The following PRKCG variants were observed in gnomAD, a reference collection of about 807,000 sequenced individuals.
PRKCG encodes protein kinase C gamma.
A neutral mutation model predicts 82.0 loss-of-function variants in PRKCG; 28 were observed. The ratio of observed to expected loss-of-function variants is 0.34; its 90% CI spans 0.25 to 0.47. PRKCG has a LOEUF of 0.47. Among genes scored for constraint, PRKCG ranks in the 20% least tolerant of loss-of-function variants. The pLI is 1.00. For synonymous variants in PRKCG, 383 were observed against 376.6 expected (o/e 1.02, Z -0.20); for missense variants, 640 against 952.7 (o/e 0.67, Z 4.32).
intron 9 of PRKCG, among the ~76,000 whole-genome samples, chr19:53,894,618 C>G (rs1354431328): frequency 6.6e-6 from 1 of 151,992 alleles, no homozygotes; most frequent in African/African-American, 2.4e-5. Context: ...CACCACCACA[C>G]CTGGCTAATT....
chr19:53,898,506 A>G lies in PRKCG; in HGVS notation c.1159A>G (p.Ile387Val). ...YAIKILKKDV[I>V]VQDDDVDCTL... ...CATCAAGATCTTGAAAAAGGACGTG[A>G]TCGTCCAGGACGACGATGTGGACTG... Residue 387 changes from isoleucine (I) to valine (V), a missense_variant, in exon 11 of 18, where the codon ATC becomes GTC. Ile to Val is a conservative substitution (Grantham distance 29, BLOSUM62 3). Transcript: ENST00000263431. 6.2e-7 allele frequency: 1 copy of G among 1,613,754 alleles called. No individual in the cohort carries two copies.
chr19:53,904,539 G>T, intron 15 of PRKCG, 96 bp from the exon 16 acceptor site: 2 of 1,043,646 alleles, frequency 1.9e-6, no homozygotes, highest in Non-Finnish European at 2.9e-6. Context: ...CGTGTGATGG[G>T]TCAGGCATGT....
rs1278538438 is a variant in PRKCG, at chr19:53,900,979, G to T, written c.1575+230G>T. On this transcript the variant is annotated intron_variant, in intron 14 of 17. Transcript: ENST00000263431. This position sits in a 1 kb window ranked among gnomAD's most constrained non-coding sequence, Gnocchi z 4.2. Reference sequence around the variant, plus strand: ...TAGGTAAGGTGGGCAGCACCTGTGGGTGAATGTTCCAGGAGAGTGGGACCA... The same window carrying T: ...TAGGTAAGGTGGGCAGCACCTGTGGTTGAATGTTCCAGGAGAGTGGGACCA... 6.6e-6 allele frequency among the ~76,000 whole-genome samples: 1 copy of T among 152,214 alleles called. No individual in the cohort carries two copies. Among genetic ancestry groups the T allele is most frequent in the Non-Finnish European group, 1.5e-5 (1 of 68,034 alleles).
chr19:53,895,585 C>T (rs904476905), intron 9 of PRKCG, among the ~76,000 whole-genome samples: 3 of 151,958 alleles, frequency 2.0e-5, no homozygotes, highest in African/African-American at 7.3e-5. Context: ...GAAACTTTCA[C>T]CAGAGTTTTT....
At chr19:53,897,423 C>T (rs1274249949) in intron 9 of PRKCG, among the ~76,000 whole-genome samples, 1 of 152,114 alleles carries the variant, frequency 6.6e-6, no homozygotes, top group Non-Finnish European at 1.5e-5. Flanking sequence ...ACTGGCAGCA[C>T]CCATGTCACC....
intron 15 of PRKCG, among the ~76,000 whole-genome samples, chr19:53,903,892 TATTA>T (rs1251422237): frequency 9.8e-5 from 15 of 152,328 alleles, no homozygotes; most frequent in African/African-American, 2.9e-4. Flanking sequence ...TGCAATTTCT[TATTA>T]ATTCATTAAG....
rs1016314702 is a variant in PRKCG at position 53,883,253 on chromosome 19, C to T, written c.202+59C>T. On this transcript the variant is annotated intron_variant, in intron 2 of 17. Coordinates refer to ENST00000263431, the MANE Select transcript of PRKCG (RefSeq NM_002739.5). The surrounding 1 kb of genome is among the most constrained non-coding windows in gnomAD (Gnocchi z 5.4). ...CAGGAGGGTGGAGGCTGGGGCCCCA[C>T]AGCTGAGGCTGCTTGACACACGTGT... 7 of 1,594,788 alleles carry T rather than the reference C, an allele frequency of 4.4e-6. No individual in the cohort carries two copies. Among genetic ancestry groups the T allele is most frequent in the Non-Finnish European group, 6.0e-6 (7 of 1,163,430 alleles).
intron 3 of PRKCG, among the ~76,000 whole-genome samples, chr19:53,885,184 T>C (rs920150254): frequency 3.9e-5 from 6 of 152,224 alleles, no homozygotes; most frequent in African/African-American, 1.2e-4. Context: ...TGGCTGAGGA[T>C]TAGAAATTCC....
At chr19:53,881,569 G>C (rs1039515561), upstream of PRKCG, among the ~76,000 whole-genome samples, 3 of 151,912 alleles carry the variant, frequency 2.0e-5, no homozygotes, top group Non-Finnish European at 4.4e-5. Context: ...GAAGAACCAC[G>C]ACACCAAGAC....
Position 53,900,325 on chromosome 19 carries a change from G to A in PRKCG, c.1373+1G>A. 1 of 1,614,080 alleles carries A rather than the reference G, an allele frequency of 6.2e-7. No homozygotes were observed. Among genetic ancestry groups the A allele is most frequent in the Non-Finnish European group, 8.5e-7 (1 of 1,179,998 alleles). On this transcript the variant is annotated splice_donor_variant, in intron 12 of 17. Transcript: ENST00000263431. LOFTEE classifies it high-confidence loss of function. This position sits in a 1 kb window ranked among gnomAD's most constrained non-coding sequence, Gnocchi z 4.2. ...GCAAGTTTAAGGAGCCCCATGCAGC[G>A]TGAGTCTCGGCCAACAGAGAATGGT...
intron 3 of PRKCG, among the ~76,000 whole-genome samples, chr19:53,887,829 C>CA (rs60094916): frequency 0.011 from 644 of 56,798 alleles, 6 homozygotes; most frequent in East Asian, 0.047. Context: ...GACTCCATCT[C>CA]AAAAAAAAAA....
In PRKCG at chr19:53,882,370, C is replaced by A; in HGVS notation, c.-125C>A. The A allele has an allele frequency of 7.0e-7, 1 of 1,419,092 alleles. No homozygotes were observed. Among genetic ancestry groups the A allele is most frequent in the Non-Finnish European group, 9.6e-7 (1 of 1,038,306 alleles). The allele number at this position is 1,419,092 out of a possible 1,614,324, so 87.9% of individuals were successfully genotyped here. A position where few individuals can be genotyped will look rare whatever the true frequency, so the allele number is the denominator to read the frequency against. On this transcript the variant is annotated 5_prime_UTR_variant, in exon 1 of 18. Coordinates refer to ENST00000263431, the MANE Select transcript of PRKCG (RefSeq NM_002739.5). The surrounding 1 kb of genome is among the most constrained non-coding windows in gnomAD (Gnocchi z 6.1). ...GCTCCGCACCTGGAGGTGCCTTGCC[C>A]CTCTCCTGCCCACCTCGGAATTTCC...
rs767405186 is a variant in PRKCG, at chr19:53,900,201, T to C, written c.1282-32T>C. 6.3e-6 allele frequency: 10 copies of C among 1,590,788 alleles called. No individual in the cohort carries two copies. In the African/African-American group the frequency reaches 1.3e-4, roughly 21 times the overall value. ...AATTCTCCTACTCTGGGTAGATGGA[T>C]CCCGCCTCTAAGCCCATGCACTTCT... On this transcript the variant is annotated intron_variant, in intron 11 of 17. Coordinates refer to ENST00000263431, the MANE Select transcript of PRKCG (RefSeq NM_002739.5). The surrounding 1 kb of genome is among the most constrained non-coding windows in gnomAD (Gnocchi z 4.2).
chr19:53,900,575 C>G lies in PRKCG; in HGVS notation c.1437-36C>G, dbSNP rs2068756096. ...CTCTAGACTGCTGAACTCAACACTT[C>G]TTGCAATTCCTGCCCCACACCCCTG... On this transcript the variant is annotated intron_variant, in intron 13 of 17. Coordinates refer to ENST00000263431, the MANE Select transcript of PRKCG (RefSeq NM_002739.5). This position sits in a 1 kb window ranked among gnomAD's most constrained non-coding sequence, Gnocchi z 4.2. 2 of 1,614,112 alleles carry G rather than the reference C, an allele frequency of 1.2e-6. No homozygotes were observed. The highest frequency in any genetic ancestry group is 1.7e-6 in the Non-Finnish European group (2 of 1,180,044).
At chr19:53,901,093 GT>G (rs1385341559) in intron 14 of PRKCG, among the ~76,000 whole-genome samples, 5 of 152,204 alleles carry the variant, frequency 3.3e-5, no homozygotes, top group African/African-American at 1.2e-4. Flanking sequence ...GGTGTGGCCT[GT>G]CCCCTGCCAA....
At chr19:53,904,805 G>A (rs762890717) in intron 16 of PRKCG, 63 bp downstream of exon 16, 32 of 1,350,238 alleles carry the variant, frequency 2.4e-5, no homozygotes, top group Non-Finnish European at 3.4e-5. Flanking sequence ...TGCTGTCTCT[G>A]TGCCTATTAG....
At chr19:53,887,230 G>C (rs1473688324) in intron 3 of PRKCG, among the ~76,000 whole-genome samples, 1 of 152,068 alleles carries the variant, frequency 6.6e-6, no homozygotes, top group Non-Finnish European at 1.5e-5. Context: ...AGGCACAGTG[G>C]CTCACGCCTG....
rs1231917901 is a variant in PRKCG at position 53,907,108 on chromosome 19, G to C, written c.*213G>C. 17 of 1,148,628 alleles carry C rather than the reference G, an allele frequency of 1.5e-5. No homozygotes were observed. Among genetic ancestry groups the C allele is most frequent in the Non-Finnish European group, 1.9e-5 (16 of 827,628 alleles). The allele number at this position is 1,148,628 out of a possible 1,614,324, so 71.2% of individuals were successfully genotyped here. A position where few individuals can be genotyped will look rare whatever the true frequency, so the allele number is the denominator to read the frequency against. The stretch of plus-strand genomic sequence containing the variant: ...TACAGCCGTCCCGCGTTCAAGACTT[G>C]AGCGGAGCCCGATATTCTCCCTGAC... On this transcript the variant is annotated 3_prime_UTR_variant, in exon 18 of 18. Coordinates refer to ENST00000263431, the MANE Select transcript of PRKCG (RefSeq NM_002739.5).
rs2068606692 is a variant in PRKCG at position 53,883,282 on chromosome 19, C to G, written c.202+88C>G. ...TGAGGCTGCTTGACACACGTGTTCT[C>G]TGGTCCCCAGAGAGGCGCGGGGGAG... On this transcript the variant is annotated intron_variant, in intron 2 of 17. Transcript: ENST00000263431. This position sits in a 1 kb window ranked among gnomAD's most constrained non-coding sequence, Gnocchi z 5.4. 6.6e-7 allele frequency: 1 copy of G among 1,520,470 alleles called. No individual in the cohort carries two copies. The highest frequency in any genetic ancestry group is 9.1e-7 in the Non-Finnish European group (1 of 1,099,122). 94.2% of individuals were successfully genotyped at this position (1,520,470 alleles called of 1,614,324 possible). A position where few individuals can be genotyped will look rare whatever the true frequency, so the allele number is the denominator to read the frequency against.
Sources: gnomAD v4.1 joint callset for allele counts (sites outside exome capture counted in the v4.1 genomes callset) on GRCh38, gnomAD v4.1.1 for gene constraint, Gnocchi (gnomAD v3.1) non-coding constraint, MANE v1.5 for transcripts, NCBI Gene and HGNC (gene_info 2026-07-23, HGNC 2026-07-21) for gene names.